The following TTC7A variants were observed in gnomAD, a reference collection of about 807,000 sequenced individuals.
TTC7A encodes tetratricopeptide repeat protein 7A.
Under a neutral mutation model 103.7 loss-of-function variants are expected in TTC7A, and 110 were observed. The ratio of observed to expected loss-of-function variants is 1.06; its 90% CI spans 0.91 to 1.24. TTC7A has a LOEUF of 1.24. Ranked by LOEUF, TTC7A falls within the 50% of genes most tolerant of loss-of-function variation. TTC7A has a pLI of 0.00. For missense variants in TTC7A, 1,340 were observed against 1,116.3 expected (o/e 1.20, Z -2.86); for synonymous variants, 521 against 467.9 (o/e 1.11, Z -1.47).
chr2:46,991,915 G>A (rs1675671566), intron 5 of TTC7A, among the ~76,000 whole-genome samples: 2 of 152,260 alleles, frequency 1.3e-5, no homozygotes, highest in South Asian at 2.1e-4. Flanking sequence ...GAAGACAAGG[G>A]TCCATCTTGC....
intron 4 of TTC7A, 37 bp downstream of exon 4, chr2:46,975,140 C>T (rs753638653): frequency 6.2e-7 from 1 of 1,609,484 alleles, no homozygotes; most frequent in Admixed American, 1.7e-5. Context: ...GAGCTGCTCT[C>T]TATTGAGCAC....
intron 17 of TTC7A, 111 bp downstream of exon 17, chr2:47,050,157 C>A: frequency 1.1e-6 from 1 of 919,504 alleles, no homozygotes; most frequent in East Asian, 2.6e-5. Flanking sequence ...GGGCCAAGCC[C>A]ACCACTGGCT....
At chr2:47,023,363 C>G (rs1679503110) in intron 12 of TTC7A, 45 bp from the exon 13 acceptor site, 1 of 1,609,182 alleles carries the variant, frequency 6.2e-7, no homozygotes, top group South Asian at 1.1e-5. Flanking sequence ...GGCCGGCACC[C>G]TTCAGTGACC....
chr2:47,058,753 G>A (rs78838496), intron 18 of TTC7A, among the ~76,000 whole-genome samples: 2,826 of 152,332 alleles, frequency 0.019, 78 homozygotes, highest in African/African-American at 0.064. Context: ...GAAGAGCCGC[G>A]TCTCCTAAAG....
intron 8 of TTC7A, 92 bp downstream of exon 8, chr2:46,995,291 C>G (rs1344735707): frequency 2.4e-6 from 3 of 1,261,394 alleles, no homozygotes; most frequent in Non-Finnish European, 3.4e-6. Flanking sequence ...CGTGACCTAG[C>G]CAAACTCTGT....
At chr2:47,011,112 C>T (rs1677995497) in intron 10 of TTC7A, among the ~76,000 whole-genome samples, 1 of 152,218 alleles carries the variant, frequency 6.6e-6, no homozygotes, top group African/African-American at 2.4e-5. Flanking sequence ...ACCTAAAGAG[C>T]AAGGGTCACA....
chr2:46,958,613 C>G, intron 3 of TTC7A: 1 of 1,181,270 alleles, frequency 8.5e-7, no homozygotes. Context: ...AGCTCCCGTT[C>G]CCCAGTGACT....
intron 5 of TTC7A, among the ~76,000 whole-genome samples, chr2:46,980,340 CT>C (rs1029058089): frequency 1.3e-4 from 20 of 151,632 alleles, no homozygotes; most frequent in African/African-American, 4.4e-4. Flanking sequence ...CCACCTCAGC[CT>C]CCTGAGTAGC....
intron 15 of TTC7A, chr2:47,034,188 C>A (rs761451530): frequency 1.3e-5 from 2 of 152,240 alleles, no homozygotes; most frequent in Admixed American, 1.3e-4. Flanking sequence ...ACACCCCGAG[C>A]AGCTTCCTGA....
chr2:46,925,335 A>G (rs1259099256), intron 2 of TTC7A, among the ~76,000 whole-genome samples: 1 of 152,072 alleles, frequency 6.6e-6, no homozygotes, highest in Non-Finnish European at 1.5e-5. Flanking sequence ...AGGTGGGCGG[A>G]TCACTTGAGG....
chr2:46,960,223 C>G (rs539459818), intron 3 of TTC7A, among the ~76,000 whole-genome samples: 9 of 152,176 alleles, frequency 5.9e-5, no homozygotes, highest in Non-Finnish European at 1.2e-4. Context: ...TTCAGCTGCT[C>G]CTGGCTGCAG....
rs763784824 is a variant in TTC7A, at chr2:47,011,442, G to A, written c.1392+7G>A. ...CATCGGGTCCCTTCGCTGGGTGAGT[G>A]AGCTGTGAGGGCAGGTCCCAGAGGC... On this transcript the variant is annotated splice_region_variant and intron_variant, in intron 11 of 19. Transcript: ENST00000319190. The A allele has an allele frequency of 4.9e-5, 79 of 1,600,694 alleles. No individual in the cohort carries two copies. The highest frequency in any genetic ancestry group is 6.5e-5 in the Non-Finnish European group (76 of 1,177,836).
chr2:47,033,349 CT>C, intron 15 of TTC7A, among the ~76,000 whole-genome samples: 1 of 152,368 alleles, frequency 6.6e-6, no homozygotes, highest in Non-Finnish European at 1.5e-5. Context: ...ATCCCAGTGC[CT>C]GAGGCCTATT....
At chr2:47,055,406 G>A (rs1558635130) in intron 18 of TTC7A, among the ~76,000 whole-genome samples, 1 of 152,120 alleles carries the variant, frequency 6.6e-6, no homozygotes, top group Admixed American at 6.5e-5. Context: ...AGTCCAGTGC[G>A]AGAAGCTGAT....
At chr2:47,031,087 C>T (rs548713657) in intron 15 of TTC7A, among the ~76,000 whole-genome samples, 1 of 152,238 alleles carries the variant, frequency 6.6e-6, no homozygotes, top group East Asian at 1.9e-4. Context: ...GCAGGGGTTG[C>T]AGTGAGCCGA....
chr2:47,031,283 G>A (rs375449307), intron 15 of TTC7A, among the ~76,000 whole-genome samples: 57 of 152,338 alleles, frequency 3.7e-4, no homozygotes, highest in African/African-American at 1.3e-3. Context: ...CCCAAGTACA[G>A]TACAGTAATA....
Position 46,977,169 on chromosome 2 carries a change from C to T in TTC7A, c.649-1623C>T, listed in dbSNP as rs554185878. ...GCACTGTACTGTCCCTGTCAAAGGTCTGATGATGATGTCCAGGGCTGGAAT... is the reference window on the plus strand; with the variant it reads ...GCACTGTACTGTCCCTGTCAAAGGTTTGATGATGATGTCCAGGGCTGGAAT... On this transcript the variant is annotated intron_variant, in intron 4 of 19. Transcript: ENST00000319190. Among the ~76,000 whole-genome samples, 11 of 152,280 alleles carry T rather than the reference C, an allele frequency of 7.2e-5. No homozygotes were observed. In the South Asian group the frequency reaches 1.9e-3, roughly 26 times the overall value.
intron 2 of TTC7A, among the ~76,000 whole-genome samples, chr2:46,929,504 GAAAT>G (rs912048094): frequency 7.9e-5 from 12 of 151,992 alleles, no homozygotes; most frequent in African/African-American, 2.7e-4. Flanking sequence ...AATAAATAAA[GAAAT>G]AAATAGCTCT....
chr2:47,023,533 C>T, intron 13 of TTC7A, 68 bp downstream of exon 13: 1 of 1,497,020 alleles, frequency 6.7e-7, no homozygotes, highest in South Asian at 1.1e-5. Flanking sequence ...AGCTTTACGT[C>T]ATCAGACCCT....
Sources: gnomAD v4.1 joint callset for allele counts (sites outside exome capture counted in the v4.1 genomes callset) on GRCh38, gnomAD v4.1.1 for gene constraint, MANE v1.5 for transcripts, NCBI Gene and HGNC (gene_info 2026-07-23, HGNC 2026-07-21) for gene names.